Variants in PDPK1 observed in about 807,000 individuals in gnomAD.
PDPK1 encodes 3-phosphoinositide dependent protein kinase 1, also known as 3-phosphoinositide-dependent protein kinase 1.
Under a neutral mutation model 39.8 loss-of-function variants are expected in PDPK1, and 7 were observed. The ratio of observed to expected loss-of-function variants is 0.18; its 90% confidence interval spans 0.10 to 0.33. The LOEUF is 0.33. PDPK1 is among the 10% of genes least tolerant of loss of function. PDPK1 has a pLI of 1.00. For missense variants in PDPK1, 182 were observed against 384.7 expected (o/e 0.47, Z 4.41); for synonymous variants, 118 against 159.1 (o/e 0.74, Z 1.95).
At chr16:2,552,033 T>A (rs1021245368) in intron 1 of PDPK1, among the ~76,000 whole-genome samples, 1 of 151,452 alleles carries the variant, frequency 6.6e-6, no homozygotes, top group African/African-American at 2.4e-5. Context: ...GGGGTCTCAC[T>A]GTGTTGCCCA....
intron 1 of PDPK1, among the ~76,000 whole-genome samples, chr16:2,540,284 C>T (rs2066220516): frequency 6.6e-6 from 1 of 152,220 alleles, no homozygotes; most frequent in Non-Finnish European, 1.5e-5. Context: ...CAGACAGTGG[C>T]CTGGCCCAGT....
At chr16:2,538,706 A>T in intron 1 of PDPK1, 1 of 1,286,612 alleles carries the variant, frequency 7.8e-7, no homozygotes, top group Non-Finnish European at 1.0e-6. Context: ...GGCTGTGCTC[A>T]GCGTTGTGGG....
At chr16:2,553,239 G>C (rs1413084420) in intron 1 of PDPK1, among the ~76,000 whole-genome samples, 2 of 134,238 alleles carry the variant, frequency 1.5e-5, no homozygotes, top group Non-Finnish European at 3.1e-5. Flanking sequence ...ACAGGGTCTC[G>C]GTGATAGTTC....
chr16:2,596,236 G>A (rs1438028469), intron 12 of PDPK1, among the ~76,000 whole-genome samples: 1 of 152,202 alleles, frequency 6.6e-6, no homozygotes, highest in East Asian at 1.9e-4. Flanking sequence ...CTGTCCCCCA[G>A]GCTAGAGTGC....
Position 2,601,841 on chromosome 16 carries a change from T to G in PDPK1, c.*4074T>G. Reference sequence around the variant, plus strand: ...ACTCCCTGCCCACAGTGTTGCAGATTGCCTGGCTGGCAGCAAGTCCAGACC... The same window carrying G: ...ACTCCCTGCCCACAGTGTTGCAGATGGCCTGGCTGGCAGCAAGTCCAGACC... On this transcript the variant is annotated 3_prime_UTR_variant, in exon 14 of 14. Transcript: ENST00000342085. 8.7e-6 allele frequency: 2 copies of G among 231,080 alleles called. No individual in the cohort carries two copies. The highest frequency in any genetic ancestry group is 1.7e-5 in the Non-Finnish European group (2 of 115,850). The allele number at this position is 231,080 out of a possible 1,614,324, so 14.3% of individuals were successfully genotyped here. A position where few individuals can be genotyped will look rare whatever the true frequency, so the allele number is the denominator to read the frequency against.
chr16:2,585,140 G>C (rs1475035885), intron 10 of PDPK1, among the ~76,000 whole-genome samples: 1 of 152,224 alleles, frequency 6.6e-6, no homozygotes. Flanking sequence ...GAGTGTGGGG[G>C]TGTGTGTGCT....
chr16:2,543,888 ATTTTTT>A (rs11422907), intron 1 of PDPK1, among the ~76,000 whole-genome samples: 15 of 134,798 alleles, frequency 1.1e-4, no homozygotes, highest in African/African-American at 1.9e-4. Context: ...CACCCGGCTA[ATTTTTT>A]TTTTTTTTTT....
intron 1 of PDPK1, among the ~76,000 whole-genome samples, chr16:2,543,966 C>T (rs2066287725): frequency 6.6e-6 from 1 of 151,522 alleles, no homozygotes. Flanking sequence ...AGCTCCTGAC[C>T]TCAGGTGATC....
chr16:2,546,435 G>A (rs2066348435), intron 1 of PDPK1, among the ~76,000 whole-genome samples: 1 of 152,176 alleles, frequency 6.6e-6, no homozygotes, highest in Non-Finnish European at 1.5e-5. Context: ...CCCGGTTCAA[G>A]CGATTCTCCT....
chr16:2,577,251 G>T, intron 6 of PDPK1, 174 bp from the exon 7 acceptor site: 2 of 692,104 alleles, frequency 2.9e-6, no homozygotes, highest in Middle Eastern at 3.1e-4. Context: ...CAGGGCGCCG[G>T]TGTCCAGGGA....
At chr16:2,587,558 G>C (rs1279387334) in intron 11 of PDPK1, among the ~76,000 whole-genome samples, 1 of 152,086 alleles carries the variant, frequency 6.6e-6, no homozygotes, top group Non-Finnish European at 1.5e-5. Flanking sequence ...ACCCAGGCTG[G>C]AATGCAGTGG....
Position 2,595,867 on chromosome 16 carries a change from C to G in PDPK1, c.1401+17C>G. On this transcript the variant is annotated intron_variant, in intron 12 of 13. Coordinates refer to ENST00000342085, the MANE Select transcript of PDPK1 (RefSeq NM_002613.5). The stretch of plus-strand genomic sequence containing the variant: ...AAGCGGAAGGTGAGTGGTCAGTGGT[C>G]CCGCTGCTCCGCACGGACACCTGCA... 1 of 1,604,056 alleles carries G rather than the reference C, an allele frequency of 6.2e-7. No individual in the cohort carries two copies. Among genetic ancestry groups the G allele is most frequent in the Non-Finnish European group, 8.5e-7 (1 of 1,170,804 alleles).
rs141692563 is a variant in PDPK1 at position 2,599,040 on chromosome 16, G to C, written c.*1273G>C. ...GGTCGGCTTTCCTCTAGAGAGAGCCGGTTTTGGGGCCATTTCCCTTTGATG... is the reference window on the plus strand; with the variant it reads ...GGTCGGCTTTCCTCTAGAGAGAGCCCGTTTTGGGGCCATTTCCCTTTGATG... On this transcript the variant is annotated 3_prime_UTR_variant, in exon 14 of 14. Coordinates refer to ENST00000342085, the MANE Select transcript of PDPK1 (RefSeq NM_002613.5). The C allele has an allele frequency of 9.2e-4, 214 of 233,432 alleles. No homozygotes were observed. The highest frequency in any genetic ancestry group is 4.4e-3 in the African/African-American group (201 of 45,462). The allele number at this position is 233,432 out of a possible 1,614,324, so 14.5% of individuals were successfully genotyped here.
chr16:2,538,038 T>A lies in PDPK1; in HGVS notation c.-75T>A. 1 of 662,404 alleles carries A rather than the reference T, an allele frequency of 1.5e-6. No individual in the cohort carries two copies. 41.0% of individuals were successfully genotyped at this position (662,404 alleles called of 1,614,324 possible). ...GGGCGGCCATTGCTGGGGCTCCGCT[T>A]CGGGGAGGAGGACGCTGAGGAGGCG... On this transcript the variant is annotated 5_prime_UTR_variant, in exon 1 of 14. Transcript: ENST00000342085.
intron 1 of PDPK1, among the ~76,000 whole-genome samples, chr16:2,545,459 G>C (rs1167767191): frequency 6.6e-6 from 1 of 151,634 alleles, no homozygotes; most frequent in Non-Finnish European, 1.5e-5. Flanking sequence ...TTAGCCTCCT[G>C]AGTAGCTGGG....
rs1244308718 is a variant in PDPK1 at position 2,573,737 on chromosome 16, GA to G, written c.710-3674del. ...ACAGAGCGAGACTTTGTCTCGGGAA[GA>G]AAAAAAAAAAAAATAGAATTGTGAA... On this transcript the variant is annotated intron_variant, in intron 6 of 13. Coordinates refer to ENST00000342085, the MANE Select transcript of PDPK1 (RefSeq NM_002613.5). Among the ~76,000 whole-genome samples, 594 of 104,296 alleles carry G rather than the reference GA, an allele frequency of 5.7e-3. 38 individuals are homozygous for G. The highest frequency in any genetic ancestry group is 0.012 in the East Asian group (44 of 3,630). The allele number at this position is 104,296 out of a possible 152,430, so 68.4% of individuals were successfully genotyped here. A position where few individuals can be genotyped will look rare whatever the true frequency, so the allele number is the denominator to read the frequency against.
At chr16:2,545,147 C>T (rs1043788083) in intron 1 of PDPK1, among the ~76,000 whole-genome samples, 1 of 151,422 alleles carries the variant, frequency 6.6e-6, no homozygotes. Flanking sequence ...AGTGATTCTC[C>T]TGCCTCTGCC....
intron 11 of PDPK1, chr16:2,592,716 G>GCT: frequency 9.0e-6 from 4 of 446,648 alleles, no homozygotes; most frequent in Non-Finnish European, 1.8e-5. Flanking sequence ...AGTGCTCACA[G>GCT]CAAGGAGCTG....
At chr16:2,588,306 A>G (rs1031757343) in intron 11 of PDPK1, among the ~76,000 whole-genome samples, 10 of 152,166 alleles carry the variant, frequency 6.6e-5, no homozygotes, top group Non-Finnish European at 1.3e-4. Flanking sequence ...GATGGGAGCA[A>G]TCTGAGCCGT....
Sources: gnomAD v4.1 joint callset for allele counts (sites outside exome capture counted in the v4.1 genomes callset) on GRCh38, gnomAD v4.1.1 for gene constraint, MANE v1.5 for transcripts, NCBI Gene and HGNC (gene_info 2026-07-23, HGNC 2026-07-21) for gene names.